The following CRADD variants were observed in gnomAD, a reference collection of about 807,000 sequenced individuals.
CRADD encodes death domain-containing protein CRADD.
In CRADD, 9 loss-of-function variants were observed where a neutral mutation model predicts 15.5. The observed-to-expected ratio is 0.58, with a 90% CI of 0.35 to 1.01. The LOEUF (loss-of-function observed/expected upper bound fraction) is 1.01. Among genes scored for constraint, CRADD ranks in the 50% least tolerant of loss-of-function variants. The probability of loss-of-function intolerance (pLI) is 0.02; values close to 1 mark genes in which losing one functional copy is unlikely to be tolerated. For missense variants in CRADD, 227 were observed against 250.3 expected (o/e 0.91, Z 0.63); for synonymous variants, 118 against 107.6 (o/e 1.10, Z -0.60).
chr12:93,786,040 G>T (rs1370547547), intron 2 of CRADD, among the ~76,000 whole-genome samples: 1 of 152,186 alleles, frequency 6.6e-6, no homozygotes, highest in Non-Finnish European at 1.5e-5. Flanking sequence ...AAAGGTCACA[G>T]ACTCAAAAGC....
At chr12:93,852,098 C>T (rs940369157), downstream of CRADD, among the ~76,000 whole-genome samples, 5 of 152,324 alleles carry the variant, frequency 3.3e-5, no homozygotes, top group East Asian at 9.6e-4. Context: ...TTGGCCATAT[C>T]ACTGTGCCCA....
At chr12:93,748,424 C>T (rs1223217416) in intron 2 of CRADD, among the ~76,000 whole-genome samples, 1 of 152,196 alleles carries the variant, frequency 6.6e-6, no homozygotes, top group Non-Finnish European at 1.5e-5. Context: ...CCCCCTGCTT[C>T]AGCCTCCTGA....
chr12:93,701,844 A>G (rs974141276), intron 2 of CRADD, among the ~76,000 whole-genome samples: 1 of 152,020 alleles, frequency 6.6e-6, no homozygotes, highest in African/African-American at 2.4e-5. Flanking sequence ...TTTTTGGACT[A>G]TAATTTCCCC....
intron 2 of CRADD, among the ~76,000 whole-genome samples, chr12:93,832,797 A>G (rs536222262): frequency 2.0e-5 from 3 of 152,340 alleles, no homozygotes; most frequent in South Asian, 2.1e-4. Flanking sequence ...GCAAAATATT[A>G]TGTTCACATA....
intron 2 of CRADD, among the ~76,000 whole-genome samples, chr12:93,754,750 A>G (rs558785545): frequency 3.3e-5 from 5 of 152,318 alleles, no homozygotes; most frequent in African/African-American, 1.2e-4. Flanking sequence ...AGAAAGTTCC[A>G]AACTTTCTCA....
At chr12:93,773,350 G>A (rs540235816) in intron 2 of CRADD, among the ~76,000 whole-genome samples, 6 of 152,260 alleles carry the variant, frequency 3.9e-5, no homozygotes, top group Non-Finnish European at 7.4e-5. Context: ...TTCTGGTGGT[G>A]ACGAATGAGT....
rs114800528 is a variant in CRADD, at chr12:93,698,390, T to C, written c.298+19318T>C. On this transcript the variant is annotated intron_variant, in intron 2 of 2. Coordinates refer to ENST00000332896, the MANE Select transcript of CRADD (RefSeq NM_003805.5). ...TAACAAAGTATATATACTTTTTTCT[T>C]CAGAGAGTAAAACCTCTGAATCAAC... Among the ~76,000 whole-genome samples, 993 of 152,336 alleles carry C rather than the reference T, an allele frequency of 6.5e-3. 20 individuals are homozygous for C. Among genetic ancestry groups the C allele is most frequent in the African/African-American group, 0.023 (945 of 41,568 alleles).
At chr12:93,805,144 G>A (rs1195306018) in intron 2 of CRADD, among the ~76,000 whole-genome samples, 1 of 151,914 alleles carries the variant, frequency 6.6e-6, no homozygotes, top group Admixed American at 6.6e-5. Flanking sequence ...CCTTGCTGGG[G>A]TTATAAAGCA....
chr12:93,730,470 C>A (rs746943024), intron 2 of CRADD, among the ~76,000 whole-genome samples: 4 of 152,192 alleles, frequency 2.6e-5, no homozygotes, highest in Non-Finnish European at 5.9e-5. Context: ...CATGATTTTT[C>A]TGGAAGGCAC....
intron 2 of CRADD, among the ~76,000 whole-genome samples, chr12:93,812,200 C>T (rs118018628): frequency 6.6e-6 from 1 of 152,056 alleles, no homozygotes; most frequent in African/African-American, 2.4e-5. Context: ...CTATATTACT[C>T]TATCAATCAT....
At chr12:93,827,016 G>T (rs1210671744) in intron 2 of CRADD, among the ~76,000 whole-genome samples, 4 of 152,138 alleles carry the variant, frequency 2.6e-5, no homozygotes, top group African/African-American at 9.7e-5. Context: ...GTGAAGTGGG[G>T]CCAGGGACAA....
At chr12:93,726,813 T>C (rs1184418808) in intron 2 of CRADD, among the ~76,000 whole-genome samples, 1 of 152,150 alleles carries the variant, frequency 6.6e-6, no homozygotes, top group Non-Finnish European at 1.5e-5. Context: ...GATGGTGTAC[T>C]ACAGCACTCT....
chr12:93,703,359 C>CTTTTTTTT (rs34708379), intron 2 of CRADD, among the ~76,000 whole-genome samples: 1 of 136,518 alleles, frequency 7.3e-6, no homozygotes, highest in Non-Finnish European at 1.6e-5. Flanking sequence ...TTTTCTTTTT[C>CTTTTTTTT]TTTTTTTTTT....
At chr12:93,745,148 T>G (rs1321214580) in intron 2 of CRADD, among the ~76,000 whole-genome samples, 1 of 152,216 alleles carries the variant, frequency 6.6e-6, no homozygotes, top group Admixed American at 6.5e-5. Context: ...GCATAATTCT[T>G]AAAGCTTGTG....
chr12:93,737,350 A>G (rs919700682), intron 2 of CRADD, among the ~76,000 whole-genome samples: 5 of 152,366 alleles, frequency 3.3e-5, no homozygotes, highest in Middle Eastern at 6.8e-3. Flanking sequence ...GATAGCTTGA[A>G]TGGTATTTTT....
At chr12:93,689,855 A>G (rs1478467476) in intron 2 of CRADD, among the ~76,000 whole-genome samples, 1 of 152,244 alleles carries the variant, frequency 6.6e-6, no homozygotes, top group Admixed American at 6.5e-5. Flanking sequence ...AGTAGAGCGT[A>G]TCTGCAGTGA....
intron 2 of CRADD, chr12:93,836,235 G>A (rs926730208): frequency 6.6e-5 from 10 of 152,274 alleles, no homozygotes; most frequent in Middle Eastern, 6.8e-3. Flanking sequence ...TTTAGATTTG[G>A]GGATAGTAGA....
intron 2 of CRADD, among the ~76,000 whole-genome samples, chr12:93,789,620 A>G (rs1009113105): frequency 2.6e-5 from 4 of 151,912 alleles, no homozygotes; most frequent in African/African-American, 4.8e-5. Flanking sequence ...GGGATGACAA[A>G]GGGGCAGGCA....
intron 2 of CRADD, among the ~76,000 whole-genome samples, chr12:93,892,466 C>T (rs1565950477): frequency 6.6e-6 from 1 of 152,166 alleles, no homozygotes; most frequent in Admixed American, 6.5e-5. Flanking sequence ...GCAACTGTGA[C>T]GTAAGCATGT....
Sources: allele counts gnomAD v4.1 joint callset (sites outside exome capture counted in the v4.1 genomes callset), GRCh38; gene constraint gnomAD v4.1.1; transcripts MANE v1.5; gene names NCBI Gene and HGNC (gene_info 2026-07-23, HGNC 2026-07-21).